PTPN12: variants seen among roughly 807,000 people sequenced by gnomAD.
PTPN12 encodes the protein protein tyrosine phosphatase non-receptor type 12, also known as tyrosine-protein phosphatase non-receptor type 12.
In PTPN12, 29 loss-of-function variants were observed where a neutral mutation model predicts 97.6. The ratio of observed to expected loss-of-function variants is 0.30; its 90% CI spans 0.22 to 0.41. PTPN12 has a LOEUF of 0.41. PTPN12 is among the 10% of genes least tolerant of loss of function. The pLI is 1.00. For synonymous variants in PTPN12, 327 were observed against 300.4 expected, an observed-to-expected ratio of 1.09 and a Z score of -0.91; for missense variants, 819 against 926.0, an observed-to-expected ratio of 0.88 and a Z score of 1.50.
At chr7:77,594,784 C>T (rs948106367) in intron 6 of PTPN12, among the ~76,000 whole-genome samples, 10 of 152,104 alleles carry the variant, frequency 6.6e-5, no homozygotes, top group African/African-American at 2.4e-4. Context: ...GACTACAGGC[C>T]ACCACACCCG....
intron 13 of PTPN12, 48 bp from the exon 14 acceptor site, chr7:77,632,300 G>A (rs746106925): frequency 2.3e-6 from 3 of 1,324,538 alleles, no homozygotes; most frequent in African/African-American, 2.9e-5. Flanking sequence ...CTCTGATTTT[G>A]TTTAGATGAC....
At chr7:77,629,259 C>G (rs1789313640) in intron 13 of PTPN12, among the ~76,000 whole-genome samples, 1 of 152,180 alleles carries the variant, frequency 6.6e-6, no homozygotes, top group African/African-American at 2.4e-5. Flanking sequence ...AGGTGACAGT[C>G]TTAAACTATT....
At chr7:77,556,147 G>A (rs965454438) in intron 1 of PTPN12, among the ~76,000 whole-genome samples, 1 of 151,914 alleles carries the variant, frequency 6.6e-6, no homozygotes, top group South Asian at 2.1e-4. Context: ...TGCAACCTCC[G>A]CCTCCTGGGC....
intron 13 of PTPN12, among the ~76,000 whole-genome samples, chr7:77,630,235 T>G (rs1789351491): frequency 6.6e-6 from 1 of 152,234 alleles, no homozygotes; most frequent in Non-Finnish European, 1.5e-5. Flanking sequence ...TATAGATTAT[T>G]ATTTCCTTTG....
chr7:77,596,097 G>A (rs1788014147), intron 6 of PTPN12, among the ~76,000 whole-genome samples: 1 of 152,158 alleles, frequency 6.6e-6, no homozygotes, highest in South Asian at 2.1e-4. Context: ...GACATTCTAT[G>A]TATATTTACA....
In PTPN12 at chr7:77,627,246, C is replaced by T. The variant is rs751433109; in HGVS notation, c.1567C>T (p.Pro523Ser). 6.2e-7 allele frequency: 1 copy of T among 1,614,126 alleles called. No individual in the cohort carries two copies. Among genetic ancestry groups the T allele is most frequent in the South Asian group, 1.1e-5 (1 of 91,088 alleles). ...ESQNSDTPPR[P>S]DRLPLDEKGH... ...CCAGAATTCAGACACACCTCCAAGGCCAGACCGCTTGCCTCTTGATGAGAA... is the reference window on the plus strand; with the variant it reads ...CCAGAATTCAGACACACCTCCAAGGTCAGACCGCTTGCCTCTTGATGAGAA... Residue 523 changes from proline to serine, a missense_variant, in exon 13 of 18, where the codon CCA becomes TCA. Pro to Ser is a moderately conservative substitution (Grantham distance 74, BLOSUM62 -1). This residue lies in a region of PTPN12 where 607 missense variants were observed against 577.3 expected (regional missense o/e 1.05). Transcript: ENST00000248594.
chr7:77,566,765 TA>T (rs1808279837), intron 1 of PTPN12, among the ~76,000 whole-genome samples: 2 of 152,144 alleles, frequency 1.3e-5, no homozygotes, highest in Admixed American at 6.5e-5. Context: ...AATGCTTTCT[TA>T]AAGGATTTGT....
chr7:77,593,989 T>C (rs1465056020), intron 6 of PTPN12, among the ~76,000 whole-genome samples: 1 of 152,198 alleles, frequency 6.6e-6, no homozygotes, highest in Non-Finnish European at 1.5e-5. Flanking sequence ...ACCCAAAGTT[T>C]AGTGCTTTCT....
At position 77,571,035 on chromosome 7, in the gene PTPN12, C is replaced by T. The variant is rs189188150; in HGVS notation, c.100-43C>T. The T allele has an allele frequency of 3.6e-4, 476 of 1,319,792 alleles. 3 individuals carry two copies. In the African/African-American group the frequency reaches 6.2e-3, roughly 17 times the overall value. 81.8% of individuals were successfully genotyped at this position (1,319,792 alleles called of 1,614,324 possible). A position where few individuals can be genotyped will look rare whatever the true frequency, so the allele number is the denominator to read the frequency against. On this transcript the variant is annotated intron_variant, in intron 1 of 17. Transcript: ENST00000248594. Reference sequence around the variant, plus strand: ...GATTTCATTAAAAATTTGAAAATATCACTGTTTCTCTAAACTTTAATTTTT... The same window carrying T: ...GATTTCATTAAAAATTTGAAAATATTACTGTTTCTCTAAACTTTAATTTTT...
chr7:77,614,901 A>G (rs917963679), intron 11 of PTPN12, among the ~76,000 whole-genome samples: 1 of 152,206 alleles, frequency 6.6e-6, no homozygotes, highest in African/African-American at 2.4e-5. Flanking sequence ...GTGTTCCAGT[A>G]TTATTTCTGT....
At chr7:77,547,119 G>A (rs911077958) in intron 1 of PTPN12, among the ~76,000 whole-genome samples, 4 of 152,184 alleles carry the variant, frequency 2.6e-5, no homozygotes, top group African/African-American at 9.7e-5. Flanking sequence ...CTGAAGGAAT[G>A]CAAAGATTTG....
In PTPN12 at chr7:77,627,523, G is replaced by T; in HGVS notation, c.1844G>T (p.Gly615Val). The T allele has an allele frequency of 1.2e-6, 2 of 1,614,044 alleles. No homozygotes were observed. The highest frequency in any genetic ancestry group is 1.7e-6 in the Non-Finnish European group (2 of 1,179,976). ...DSDSDERNSD[G>V]AVTQNKTNIS... ...GACTCAGATGAAAGAAACTCTGATG[G>T]TGCTGTGACCCAGAATAAAACTAAT... The change falls in exon 13 of 18, where the codon GGT (glycine) becomes GTT (valine). Residue 615 changes from glycine (G) to valine (V), a missense_variant. Transcript: ENST00000248594.
At chr7:77,629,975 A>G (rs1248164553) in intron 13 of PTPN12, among the ~76,000 whole-genome samples, 1 of 151,928 alleles carries the variant, frequency 6.6e-6, no homozygotes, top group African/African-American at 2.4e-5. Flanking sequence ...GATATAGCTA[A>G]AAGCACCCTA....
intron 1 of PTPN12, among the ~76,000 whole-genome samples, chr7:77,554,277 T>A (rs76907261): frequency 8.1e-4 from 123 of 152,368 alleles, no homozygotes; most frequent in African/African-American, 2.8e-3. Flanking sequence ...GTGTTTTCAC[T>A]TTTTTAAGTG....
chr7:77,579,656 A>T (rs1787450372), intron 2 of PTPN12, among the ~76,000 whole-genome samples: 1 of 152,340 alleles, frequency 6.6e-6, no homozygotes, highest in East Asian at 1.9e-4. Flanking sequence ...AGTTCTAAAT[A>T]AAAAGTTTTA....
At chr7:77,612,643 G>A (rs1308765983) in intron 11 of PTPN12, among the ~76,000 whole-genome samples, 1 of 152,024 alleles carries the variant, frequency 6.6e-6, no homozygotes, top group Non-Finnish European at 1.5e-5. Flanking sequence ...TGTCCATGTT[G>A]GTCAGGCTGG....
intron 3 of PTPN12, 149 bp from the exon 4 acceptor site, chr7:77,583,406 C>G: frequency 3.4e-6 from 2 of 583,004 alleles, no homozygotes. Flanking sequence ...TTTTGCCATG[C>G]TTTAATATAC....
intron 6 of PTPN12, among the ~76,000 whole-genome samples, chr7:77,595,410 T>A (rs186279490): frequency 6.6e-6 from 1 of 152,296 alleles, no homozygotes; most frequent in African/African-American, 2.4e-5. Context: ...CGATGTGGGA[T>A]GAGGACAAGG....
At chr7:77,597,231 C>G (rs773535003) in intron 6 of PTPN12, among the ~76,000 whole-genome samples, 1 of 152,180 alleles carries the variant, frequency 6.6e-6, no homozygotes, top group African/African-American at 2.4e-5. Context: ...TCAAGCAATT[C>G]TACTGCCTCA....
Sources: gnomAD v4.1 joint callset for allele counts (sites outside exome capture counted in the v4.1 genomes callset) on GRCh38, gnomAD v4.1.1 for gene constraint, gnomAD v4.1.1 regional missense constraint, MANE v1.5 for transcripts, NCBI Gene and HGNC (gene_info 2026-07-23, HGNC 2026-07-21) for gene names.